Variants in GPC3 observed in about 807,000 individuals in gnomAD.
The protein encoded by GPC3 is glypican-3.
A neutral mutation model predicts 34.4 loss-of-function variants in GPC3; 3 were observed. That is an observed-to-expected ratio of 0.09 (90% confidence interval 0.04 to 0.23). GPC3 has a LOEUF of 0.23. Ranked by LOEUF, GPC3 falls within the 10% of genes least tolerant of loss-of-function variation. The pLI is 1.00. For missense variants in GPC3, 351 were observed against 445.6 expected (o/e 0.79, Z 1.91); for synonymous variants, 177 against 174.0 (o/e 1.02, Z -0.13).
chrX:133,573,038 G>A (rs937634948), intron 7 of GPC3, among the ~76,000 whole-genome samples: 3 of 111,420 alleles, frequency 2.7e-5, no homozygotes, highest in Non-Finnish European at 5.7e-5. Flanking sequence ...TCCAGCAACA[G>A]GTTGAAAAGG....
chrX:133,868,238 A>C (rs1453076273), intron 2 of GPC3, among the ~76,000 whole-genome samples: 1 of 111,801 alleles, frequency 8.9e-6, no homozygotes, highest in Admixed American at 9.5e-5. Flanking sequence ...GCCAGAGCCC[A>C]AAGCACTCAC....
intron 3 of GPC3, among the ~76,000 whole-genome samples, chrX:133,741,956 T>C (rs764097326): frequency 1.2e-3 from 132 of 113,011 alleles, no homozygotes; most frequent in Non-Finnish European, 2.1e-3. Flanking sequence ...AGGTCCCACA[T>C]ACACTTAAAT....
intron 2 of GPC3, among the ~76,000 whole-genome samples, chrX:133,787,182 G>A (rs1407243394): frequency 8.9e-6 from 1 of 112,214 alleles, no homozygotes; most frequent in Non-Finnish European, 1.9e-5. Context: ...CAAGCCTCAA[G>A]AAATCATATC....
intron 2 of GPC3, among the ~76,000 whole-genome samples, chrX:133,890,434 T>C (rs1398223322): frequency 9.0e-6 from 1 of 110,812 alleles, no homozygotes; most frequent in African/African-American, 3.3e-5. Flanking sequence ...ATAAAATATA[T>C]AGGCCAGGCA....
chrX:133,746,310 C>G (rs891970724), intron 3 of GPC3, among the ~76,000 whole-genome samples: 1 of 112,241 alleles, frequency 8.9e-6, no homozygotes, highest in African/African-American at 3.2e-5. Flanking sequence ...TAAAATTTCT[C>G]TCTAAAAATT....
At chrX:133,578,094 G>A (rs2069703388) in intron 7 of GPC3, among the ~76,000 whole-genome samples, 2 of 112,096 alleles carry the variant, frequency 1.8e-5, no homozygotes, top group South Asian at 7.5e-4. Context: ...CACATAGTAA[G>A]CACTCAAAAA....
At chrX:133,595,319 G>C (rs772082104) in intron 7 of GPC3, among the ~76,000 whole-genome samples, 1 of 110,862 alleles carries the variant, frequency 9.0e-6, no homozygotes, top group African/African-American at 3.3e-5. Flanking sequence ...CTCAAGACCC[G>C]AGGTAGATTT....
intron 6 of GPC3, among the ~76,000 whole-genome samples, chrX:133,643,123 G>A (rs2070500199): frequency 8.9e-6 from 1 of 112,289 alleles, no homozygotes; most frequent in South Asian, 3.7e-4. Flanking sequence ...ACATCTCTGA[G>A]TGTGCCTGTC....
chrX:133,958,715 A>AC (rs2076428239), intron 1 of GPC3, among the ~76,000 whole-genome samples: 1 of 105,457 alleles, frequency 9.5e-6, no homozygotes, highest in African/African-American at 3.5e-5. Flanking sequence ...TACTGAAAAA[A>AC]AAAAAAAACA....
intron 3 of GPC3, among the ~76,000 whole-genome samples, chrX:133,741,954 C>A (rs1356561864): frequency 8.9e-6 from 1 of 112,912 alleles, no homozygotes; most frequent in Non-Finnish European, 1.9e-5. Context: ...TAAGGTCCCA[C>A]ATACACTTAA....
intron 4 of GPC3, among the ~76,000 whole-genome samples, chrX:133,699,401 C>G (rs1294305762): frequency 8.9e-6 from 1 of 111,846 alleles, no homozygotes; most frequent in Non-Finnish European, 1.9e-5. Flanking sequence ...AAGAAACAAA[C>G]GTGGATTTTG....
intron 6 of GPC3, among the ~76,000 whole-genome samples, chrX:133,660,335 C>T (rs1294721195): frequency 3.6e-5 from 4 of 112,489 alleles, no homozygotes; most frequent in African/African-American, 9.7e-5. Context: ...TCCTAAACTA[C>T]AAATAGAAGT....
chrX:133,960,347 A>C (rs1256741084), intron 1 of GPC3, among the ~76,000 whole-genome samples: 3 of 110,663 alleles, frequency 2.7e-5, no homozygotes, highest in Non-Finnish European at 5.7e-5. Flanking sequence ...TAGGAAGATT[A>C]GCCATACACC....
intron 2 of GPC3, among the ~76,000 whole-genome samples, chrX:133,841,660 T>C: frequency 9.0e-6 from 1 of 111,631 alleles, no homozygotes. Flanking sequence ...GCACCTGTGA[T>C]GGTTAATACT....
intron 2 of GPC3, among the ~76,000 whole-genome samples, chrX:133,766,704 T>C (rs1243802785): frequency 8.9e-6 from 1 of 112,295 alleles, no homozygotes; most frequent in African/African-American, 3.2e-5. Context: ...TAACCGAAAC[T>C]AAGACTGGCT....
chrX:133,726,774 G>A (rs1398306303), intron 3 of GPC3, among the ~76,000 whole-genome samples: 1 of 111,735 alleles, frequency 8.9e-6, no homozygotes, highest in Non-Finnish European at 1.9e-5. Flanking sequence ...AAAACAAACC[G>A]AGTGGCCACA....
At chrX:133,637,635 T>C (rs1029257020) in intron 6 of GPC3, among the ~76,000 whole-genome samples, 1 of 111,000 alleles carries the variant, frequency 9.0e-6, no homozygotes, top group Non-Finnish European at 1.9e-5. Context: ...TTTTGTATTA[T>C]TTATTTGTTA....
Position 133,535,906 on chromosome X carries a change from A to G in GPC3, c.*218T>C. 1 of 391,419 alleles carries G rather than the reference A, an allele frequency of 2.6e-6. No homozygotes were observed. The highest frequency in any genetic ancestry group is 4.4e-6 in the Non-Finnish European group (1 of 225,886). The allele number at this position is 391,419 out of a possible 1,213,427, so 32.3% of individuals were successfully genotyped here. ...GATGGTTTTTTTTCTTTCTTTGCAA[A>G]AGGACAATCTATATGCTACCACTAA... On this transcript the variant is annotated 3_prime_UTR_variant, in exon 8 of 8. Transcript: ENST00000370818.
chrX:133,852,932 A>G (rs1288386341), intron 2 of GPC3, among the ~76,000 whole-genome samples: 4 of 105,147 alleles, frequency 3.8e-5, no homozygotes, highest in Non-Finnish European at 5.9e-5. Context: ...TTTCAAAAGA[A>G]GACATGGTAT....
Sources: gnomAD v4.1 joint callset for allele counts (sites outside exome capture counted in the v4.1 genomes callset) on GRCh38, gnomAD v4.1.1 for gene constraint, MANE v1.5 for transcripts, NCBI Gene and HGNC (gene_info 2026-07-23, HGNC 2026-07-21) for gene names.